Variants in AGO4 observed in about 807,000 individuals in gnomAD.
AGO4 encodes the protein protein argonaute-4.
In AGO4, 33 loss-of-function variants were observed where a neutral mutation model predicts 104.7. That is an observed-to-expected ratio of 0.32 (90% CI 0.24 to 0.42). AGO4 has a LOEUF of 0.42. Ranked by LOEUF, AGO4 falls within the 10% of genes least tolerant of loss-of-function variation. The pLI is 1.00. For missense variants in AGO4, 711 were observed against 1,083.4 expected, an observed-to-expected ratio of 0.66 and a Z score of 4.83; for synonymous variants, 331 against 364.7, an observed-to-expected ratio of 0.91 and a Z score of 1.05.
At chr1:35,852,771 A>G (rs906437426) in intron 17 of AGO4, among the ~76,000 whole-genome samples, 8 of 152,228 alleles carry the variant, frequency 5.3e-5, no homozygotes, top group Non-Finnish European at 1.0e-4. Context: ...CTGTTAAAGC[A>G]TGTTCCAGGT....
rs5773512 is a variant in AGO4, at chr1:35,841,811, C to CATATATATATATATATATATATAT, written c.2175+65_2175+88dup. 39 of 606,474 alleles carry CATATATATATATATATATATATAT rather than the reference C, an allele frequency of 6.4e-5. No individual in the cohort carries two copies. Among genetic ancestry groups the CATATATATATATATATATATATAT allele is most frequent in the African/African-American group, 1.2e-4 (6 of 49,678 alleles). 37.6% of individuals were successfully genotyped at this position (606,474 alleles called of 1,614,324 possible). ...CTCTGGCAAGAGATGTATATATGCACATATATATATATATATATATATATA... is the reference window on the plus strand; with the variant it reads ...CTCTGGCAAGAGATGTATATATGCACATATATATATATATATATATATATATATATATATATATATATATATATA... On this transcript the variant is annotated intron_variant, in intron 15 of 17. Coordinates refer to ENST00000373210, the MANE Select transcript of AGO4 (RefSeq NM_017629.4). This position sits in a 1 kb window ranked among gnomAD's most constrained non-coding sequence, Gnocchi z 4.7.
chr1:35,825,610 A>C, intron 4 of AGO4, 69 bp from the exon 5 acceptor site: 10 of 1,531,130 alleles, frequency 6.5e-6, no homozygotes, highest in Non-Finnish European at 8.8e-6. Context: ...TTCAGCTCCC[A>C]GAGTTGAGAG....
chr1:35,817,097 A>G (rs376387789), intron 2 of AGO4, 50 bp downstream of exon 2: 73 of 1,494,440 alleles, frequency 4.9e-5, no homozygotes, highest in Non-Finnish European at 6.1e-5. Flanking sequence ...CATATAATTT[A>G]TTTATGTATC....
intron 17 of AGO4, 28 bp downstream of exon 17, chr1:35,851,081 C>T: frequency 6.4e-7 from 1 of 1,564,402 alleles, no homozygotes; most frequent in Non-Finnish European, 8.7e-7. Context: ...AATAAAGTCT[C>T]TTTATATTTT....
intron 15 of AGO4, among the ~76,000 whole-genome samples, chr1:35,844,676 C>A (rs2148682020): frequency 6.6e-6 from 1 of 152,266 alleles, no homozygotes; most frequent in African/African-American, 2.4e-5. Flanking sequence ...TGCTTTCAAT[C>A]CTAATCCCTC....
Position 35,850,155 on chromosome 1 carries a change from A to G in AGO4, c.2176-2A>G. On this transcript the variant is annotated splice_acceptor_variant, in intron 15 of 17. Coordinates refer to ENST00000373210, the MANE Select transcript of AGO4 (RefSeq NM_017629.4). LOFTEE classifies it high-confidence loss of function. ...CTAATTACTTTTTTTTGTTTTTTGTAGGTAGGGAAAAGTGGCAATGTACCA... is the reference window on the plus strand; with the variant it reads ...CTAATTACTTTTTTTTGTTTTTTGTGGGTAGGGAAAAGTGGCAATGTACCA... The G allele has an allele frequency of 6.4e-7, 1 of 1,562,200 alleles. No individual in the cohort carries two copies. Among genetic ancestry groups the G allele is most frequent in the Non-Finnish European group, 8.6e-7 (1 of 1,156,570 alleles).
chr1:35,850,872 C>T lies in AGO4; in HGVS notation c.2296C>T (p.His766Tyr), dbSNP rs769581561. 1.2e-6 allele frequency: 2 copies of T among 1,609,626 alleles called. No homozygotes were observed. Among genetic ancestry groups the T allele is most frequent in the East Asian group, 2.2e-5 (1 of 44,626 alleles). The change falls in exon 17 of 18, where the codon CAT (histidine) becomes TAT (tyrosine). Residue 766 changes from histidine to tyrosine, a missense_variant. Around this residue, in one of 3 missense-constraint regions of AGO4, gnomAD observed 401 missense variants for 665.5 expected, o/e 0.60. Coordinates refer to ENST00000373210, the MANE Select transcript of AGO4 (RefSeq NM_017629.4). ...AGIQGTSRPS[H>Y]YQVLWDDNCF... Reference sequence around the variant, plus strand: ...TCCTCAGGGAACCAGCCGTCCCTCACATTACCAGGTCTTGTGGGATGACAA... The same window carrying T: ...TCCTCAGGGAACCAGCCGTCCCTCATATTACCAGGTCTTGTGGGATGACAA...
In AGO4 at chr1:35,808,193, G is replaced by GCGGCGT; in HGVS notation, c.-221_-220insCGTCGG. ...GTTGGCGGCGGCGGCGGCGGCGGCGGCGGGGATTGTTTTTGTTGTCGCTGA... is the reference window on the plus strand; with the variant it reads ...GTTGGCGGCGGCGGCGGCGGCGGCGGCGGCGTCGGGGATTGTTTTTGTTGTCGCTGA... On this transcript the variant is annotated 5_prime_UTR_variant, in exon 1 of 18. Coordinates refer to ENST00000373210, the MANE Select transcript of AGO4 (RefSeq NM_017629.4). The surrounding 1 kb of genome is among the most constrained non-coding windows in gnomAD (Gnocchi z 5.2). The GCGGCGT allele has an allele frequency of 6.1e-6, 1 of 162,732 alleles. No individual in the cohort carries two copies. The highest frequency in any genetic ancestry group is 1.3e-5 in the Non-Finnish European group (1 of 78,196). 10.1% of individuals were successfully genotyped at this position (162,732 alleles called of 1,614,324 possible).
chr1:35,840,117 C>A (rs912761059), intron 13 of AGO4, among the ~76,000 whole-genome samples: 3 of 150,062 alleles, frequency 2.0e-5, no homozygotes, highest in Admixed American at 2.0e-4. Context: ...TTAGCCTCCC[C>A]AGTAGCTGGG....
intron 15 of AGO4, among the ~76,000 whole-genome samples, chr1:35,845,062 T>C (rs922319184): frequency 2.0e-5 from 3 of 151,986 alleles, no homozygotes. Flanking sequence ...TTGCCTTATT[T>C]GGCCTTAGCA....
chr1:35,823,719 C>T (rs1643939671), intron 3 of AGO4, among the ~76,000 whole-genome samples: 1 of 152,066 alleles, frequency 6.6e-6, no homozygotes, highest in Non-Finnish European at 1.5e-5. Context: ...GCATGAGCCA[C>T]TGCGCCTGGC....
intron 11 of AGO4, 67 bp from the exon 12 acceptor site, chr1:35,833,923 A>G (rs1644244431): frequency 1.6e-6 from 2 of 1,258,704 alleles, no homozygotes. Context: ...AGTATTTCAG[A>G]GGAAAATGAA....
intron 17 of AGO4, among the ~76,000 whole-genome samples, chr1:35,853,043 G>T (rs1475729125): frequency 6.6e-6 from 1 of 152,174 alleles, no homozygotes; most frequent in Non-Finnish European, 1.5e-5. Context: ...GAGGTCAGGA[G>T]ATCGAGACCA....
At chr1:35,822,835 A>T in intron 2 of AGO4, 27 bp from the exon 3 acceptor site, 2 of 1,611,868 alleles carry the variant, frequency 1.2e-6, no homozygotes, top group South Asian at 2.2e-5. Context: ...CTGAAAGCTA[A>T]CTGCCATTAT....
Position 35,855,344 on chromosome 1 carries a change from C to G in AGO4, c.*1739C>G, listed in dbSNP as rs545598133. On this transcript the variant is annotated 3_prime_UTR_variant, in exon 18 of 18. Coordinates refer to ENST00000373210, the MANE Select transcript of AGO4 (RefSeq NM_017629.4). Reference sequence around the variant, plus strand: ...TGTTTGCTTGAACTCATGAGACGGTCCAAATCTCATAAACTAGCCTTCTCA... The same window carrying G: ...TGTTTGCTTGAACTCATGAGACGGTGCAAATCTCATAAACTAGCCTTCTCA... 6.5e-6 allele frequency: 1 copy of G among 152,722 alleles called. No homozygotes were observed. Among genetic ancestry groups the G allele is most frequent in the Non-Finnish European group, 1.5e-5 (1 of 68,034 alleles). 9.5% of individuals were successfully genotyped at this position (152,722 alleles called of 1,614,324 possible).
rs1396829134 is a variant in AGO4, at chr1:35,855,563, A to G, written c.*1958A>G. On this transcript the variant is annotated 3_prime_UTR_variant, in exon 18 of 18. Coordinates refer to ENST00000373210, the MANE Select transcript of AGO4 (RefSeq NM_017629.4). ...GAGTGCAGACGTCCTTAATCCCTGC[A>G]GATAGTGGGATGAAAGCAAGTTCTG... The G allele has an allele frequency of 6.6e-6, 1 of 152,512 alleles. No individual in the cohort carries two copies. Among genetic ancestry groups the G allele is most frequent in the Non-Finnish European group, 1.5e-5 (1 of 68,010 alleles). The allele number at this position is 152,512 out of a possible 1,614,324, so 9.4% of individuals were successfully genotyped here.
At chr1:35,825,265 C>G in intron 3 of AGO4, 48 bp from the exon 4 acceptor site, 1 of 1,581,110 alleles carries the variant, frequency 6.3e-7, no homozygotes, top group Non-Finnish European at 8.6e-7. Context: ...ATCTTTCCCA[C>G]AGCCATTGTA....
intron 13 of AGO4, among the ~76,000 whole-genome samples, chr1:35,838,943 G>A (rs1377575708): frequency 6.6e-6 from 1 of 151,588 alleles, no homozygotes; most frequent in Non-Finnish European, 1.5e-5. Context: ...TTTAATCTTA[G>A]CATATTTTGT....
chr1:35,818,925 C>T (rs1423143872), intron 2 of AGO4, among the ~76,000 whole-genome samples: 2 of 152,156 alleles, frequency 1.3e-5, no homozygotes, highest in East Asian at 1.9e-4. Context: ...TAATGGATTG[C>T]CCTGGATGCT....
Sources: gnomAD v4.1 joint callset for allele counts (sites outside exome capture counted in the v4.1 genomes callset) on GRCh38, gnomAD v4.1.1 for gene constraint, gnomAD v4.1.1 regional missense constraint, Gnocchi (gnomAD v3.1) non-coding constraint, MANE v1.5 for transcripts, NCBI Gene and HGNC (gene_info 2026-07-23, HGNC 2026-07-21) for gene names.